The following MAGI2 variants were observed in gnomAD, a reference collection of about 807,000 sequenced individuals.
MAGI2 encodes the protein membrane-associated guanylate kinase, WW and PDZ domain-containing protein 2.
In MAGI2, 35 loss-of-function variants were observed where a neutral mutation model predicts 133.3. That is an observed-to-expected ratio of 0.26 (90% CI 0.20 to 0.35). The LOEUF (loss-of-function observed/expected upper bound fraction) is 0.35, where lower values mean the gene tolerates loss of function less well. Ranked by LOEUF, MAGI2 falls within the 10% of genes least tolerant of loss-of-function variation. The pLI is 1.00. For synonymous variants in MAGI2, 729 were observed against 710.6 expected, an observed-to-expected ratio of 1.03 and a Z score of -0.41; for missense variants, 1,636 against 1,863.4, an observed-to-expected ratio of 0.88 and a Z score of 2.25.
chr7:79,181,981 C>T lies in MAGI2; in HGVS notation c.302-174775G>A, dbSNP rs186900760. Reference sequence around the variant, plus strand: ...TCCTCATCTCCATCTGAGACCACCTCAGCCTGGATTTCATTGTCCATATTA... The same window carrying T: ...TCCTCATCTCCATCTGAGACCACCTTAGCCTGGATTTCATTGTCCATATTA... On this transcript the variant is annotated intron_variant, in intron 1 of 21. Transcript: ENST00000354212. Among the ~76,000 whole-genome samples, 75 of 152,118 alleles carry T rather than the reference C, an allele frequency of 4.9e-4. 2 individuals are homozygous for T. In the East Asian group the frequency reaches 0.014, roughly 29 times the overall value.
intron 2 of MAGI2, among the ~76,000 whole-genome samples, chr7:78,767,642 T>C (rs1293095661): frequency 2.0e-5 from 3 of 152,252 alleles, no homozygotes; most frequent in Admixed American, 6.5e-5. Flanking sequence ...AGGCCATTAC[T>C]ACTTAAGATA....
At chr7:78,694,767 T>C (rs909426869) in intron 2 of MAGI2, among the ~76,000 whole-genome samples, 1 of 152,208 alleles carries the variant, frequency 6.6e-6, no homozygotes, top group Non-Finnish European at 1.5e-5. Flanking sequence ...TTTCTCCGTA[T>C]GTTAAAAGCT....
At chr7:78,729,632 A>C (rs1184936985) in intron 2 of MAGI2, among the ~76,000 whole-genome samples, 1 of 152,198 alleles carries the variant, frequency 6.6e-6, no homozygotes, top group Non-Finnish European at 1.5e-5. Flanking sequence ...CCTCATCCAC[A>C]TGGAGCTTGT....
At chr7:79,136,852 C>T (rs1234215399) in intron 1 of MAGI2, among the ~76,000 whole-genome samples, 3 of 152,136 alleles carry the variant, frequency 2.0e-5, no homozygotes, top group Non-Finnish European at 2.9e-5. Flanking sequence ...GGAGTAATAA[C>T]TTGAACAGGG....
At chr7:78,025,309 T>C (rs1382961628) in intron 21 of MAGI2, among the ~76,000 whole-genome samples, 1 of 43,412 alleles carries the variant, frequency 2.3e-5, no homozygotes, top group African/African-American at 7.0e-5. Flanking sequence ...CAATCTACAG[T>C]AGATACTACA....
chr7:78,858,046 G>A (rs1793814736), intron 2 of MAGI2, among the ~76,000 whole-genome samples: 1 of 152,088 alleles, frequency 6.6e-6, no homozygotes, highest in Admixed American at 6.6e-5. Context: ...GCACAGAGGT[G>A]TTTATATTAT....
chr7:78,901,178 T>C, intron 2 of MAGI2: 1 of 152,200 alleles, frequency 6.6e-6, no homozygotes, highest in East Asian at 1.9e-4. Flanking sequence ...GAGCAGGGAT[T>C]AAATCAACTT....
At chr7:78,607,866 G>A (rs934711236) in intron 3 of MAGI2, among the ~76,000 whole-genome samples, 9 of 152,190 alleles carry the variant, frequency 5.9e-5, no homozygotes, top group Admixed American at 2.0e-4. Flanking sequence ...CTCCAAGTTG[G>A]CCCACTCTTC....
At position 78,232,131 on chromosome 7, in the gene MAGI2, A is replaced by G. The variant is rs181994902; in HGVS notation, c.2047+23812T>C. The stretch of plus-strand genomic sequence containing the variant: ...ATACTGTTGGAAAGTAGGTAGCTTC[A>G]AACAAAATTGGCAGGCAAACTCATT... On this transcript the variant is annotated intron_variant, in intron 10 of 21. Transcript: ENST00000354212. Among the ~76,000 whole-genome samples the G allele has an allele frequency of 4.7e-4, 72 of 152,282 alleles. 2 individuals carry two copies. In the East Asian group the frequency reaches 0.014, roughly 29 times the overall value.
chr7:78,738,268 CTTTAA>C (rs1822063754), intron 2 of MAGI2, among the ~76,000 whole-genome samples: 1 of 152,080 alleles, frequency 6.6e-6, no homozygotes, highest in Non-Finnish European at 1.5e-5. Context: ...GTGATTCATG[CTTTAA>C]GAATCTGTTC....
At chr7:79,037,324 G>C (rs1295716863) in intron 1 of MAGI2, among the ~76,000 whole-genome samples, 1 of 151,972 alleles carries the variant, frequency 6.6e-6, no homozygotes, top group African/African-American at 2.4e-5. Flanking sequence ...TATACTTCTG[G>C]TCATAAAACC....
At chr7:78,178,253 T>C (rs995735815) in intron 13 of MAGI2, 151 bp from the exon 14 acceptor site, 2 of 536,952 alleles carry the variant, frequency 3.7e-6, no homozygotes, top group Admixed American at 6.5e-5. Flanking sequence ...ACAAAAAATA[T>C]GGCAGCAAAA....
intron 3 of MAGI2, chr7:78,621,178 A>C (rs1412400553): frequency 6.6e-6 from 1 of 151,828 alleles, no homozygotes; most frequent in Non-Finnish European, 1.5e-5. Flanking sequence ...CATACTTACT[A>C]ATTTCATTCC....
chr7:78,771,566 T>C (rs898817893), intron 2 of MAGI2, among the ~76,000 whole-genome samples: 1 of 152,212 alleles, frequency 6.6e-6, no homozygotes, highest in Non-Finnish European at 1.5e-5. Flanking sequence ...AACTTTTCAG[T>C]GTTAATAACA....
At chr7:79,117,494 G>T (rs1371220347) in intron 1 of MAGI2, among the ~76,000 whole-genome samples, 1 of 152,032 alleles carries the variant, frequency 6.6e-6, no homozygotes, top group Non-Finnish European at 1.5e-5. Context: ...ATCATAAATA[G>T]TTTTGAAACT....
At chr7:79,080,212 C>T (rs893253610) in intron 1 of MAGI2, among the ~76,000 whole-genome samples, 1 of 152,048 alleles carries the variant, frequency 6.6e-6, no homozygotes, top group African/African-American at 2.4e-5. Flanking sequence ...ATATTGATAT[C>T]ATAAAAGACT....
At chr7:79,395,096 A>G (rs1373558589) in intron 1 of MAGI2, among the ~76,000 whole-genome samples, 1 of 152,206 alleles carries the variant, frequency 6.6e-6, no homozygotes, top group Non-Finnish European at 1.5e-5. Context: ...ATTGAAATCA[A>G]TTGGCCCAGC....
intron 10 of MAGI2, among the ~76,000 whole-genome samples, chr7:78,205,278 T>A (rs1829628336): frequency 6.6e-6 from 1 of 152,162 alleles, no homozygotes; most frequent in Non-Finnish European, 1.5e-5. Context: ...ACCACAGGCA[T>A]CTGCCACCAC....
chr7:78,638,140 C>T (rs1809879808), intron 2 of MAGI2, among the ~76,000 whole-genome samples: 1 of 151,780 alleles, frequency 6.6e-6, no homozygotes. Flanking sequence ...ACCTGTCATA[C>T]TGAGCAAGAA....
Sources: gnomAD v4.1 joint callset for allele counts (sites outside exome capture counted in the v4.1 genomes callset) on GRCh38, gnomAD v4.1.1 for gene constraint, MANE v1.5 for transcripts, NCBI Gene and HGNC (gene_info 2026-07-23, HGNC 2026-07-21) for gene names.